The following NAALADL2 variants were observed in gnomAD, a reference collection of about 807,000 sequenced individuals.
NAALADL2 encodes the protein N-acetylated alpha-linked acidic dipeptidase like 2.
A neutral mutation model predicts 87.2 loss-of-function variants in NAALADL2; 76 were observed. That is an observed-to-expected ratio of 0.87 (90% CI 0.72 to 1.05). The LOEUF is 1.05. Among genes scored for constraint, NAALADL2 ranks in the 50% least tolerant of loss-of-function variants. The pLI, the probability that NAALADL2 is intolerant of heterozygous loss-of-function variation, is 0.00. For missense variants in NAALADL2, 1,089 were observed against 945.8 expected (o/e 1.15, Z -1.99); for synonymous variants, 354 against 331.0 (o/e 1.07, Z -0.75).
intron 1 of NAALADL2, among the ~76,000 whole-genome samples, chr3:175,049,421 T>C (rs1174337826): frequency 1.3e-5 from 2 of 152,086 alleles, no homozygotes; most frequent in Non-Finnish European, 2.9e-5. Context: ...GGAAGAGTTT[T>C]TGTAACAGAA....
intron 3 of NAALADL2, among the ~76,000 whole-genome samples, chr3:174,825,568 A>G (rs1721886291): frequency 6.6e-6 from 1 of 152,094 alleles, no homozygotes; most frequent in African/African-American, 2.4e-5. Context: ...ACACACATAT[A>G]CCTAGAAATA....
intron 3 of NAALADL2, among the ~76,000 whole-genome samples, chr3:175,248,992 A>G (rs1748518775): frequency 6.6e-6 from 1 of 151,962 alleles, no homozygotes; most frequent in Non-Finnish European, 1.5e-5. Context: ...GATATCACCA[A>G]TTTTGGTCTA....
intron 1 of NAALADL2, among the ~76,000 whole-genome samples, chr3:174,913,179 A>G (rs914285205): frequency 4.6e-5 from 7 of 152,140 alleles, no homozygotes; most frequent in African/African-American, 1.4e-4. Context: ...AACTTTCCCT[A>G]TAAATTATTT....
intron 1 of NAALADL2, among the ~76,000 whole-genome samples, chr3:174,989,097 C>T (rs1186665295): frequency 6.6e-6 from 1 of 152,064 alleles, no homozygotes; most frequent in Non-Finnish European, 1.5e-5. Flanking sequence ...TTTTAAGAAC[C>T]AGCTCTCATA....
chr3:175,566,328 A>G (rs995994387), intron 9 of NAALADL2, among the ~76,000 whole-genome samples: 2 of 152,182 alleles, frequency 1.3e-5, no homozygotes, highest in Non-Finnish European at 2.9e-5. Context: ...CCCATTCCTC[A>G]TACCATTGTC....
At chr3:174,989,858 A>G (rs1335272015) in intron 1 of NAALADL2, among the ~76,000 whole-genome samples, 1 of 152,128 alleles carries the variant, frequency 6.6e-6, no homozygotes, top group East Asian at 1.9e-4. Flanking sequence ...ACTAAGCAAA[A>G]TGGTAATCTG....
chr3:175,075,212 C>T (rs532269745), intron 1 of NAALADL2, among the ~76,000 whole-genome samples: 1 of 152,234 alleles, frequency 6.6e-6, no homozygotes, highest in Admixed American at 6.5e-5. Flanking sequence ...CAAACAGTCA[C>T]TGAACCTAAG....
chr3:175,233,941 C>T lies in NAALADL2; in HGVS notation c.556C>T (p.Gln186Ter). 6.4e-7 allele frequency: 1 copy of T among 1,569,602 alleles called. No individual in the cohort carries two copies. The stretch of plus-strand genomic sequence containing the variant: ...TCAAATTTATTTCAGAAATTTGGTA[C>T]AACTATATAAAAATGAAGATGACAT... ...DIKKSFRNLV[Q>*]LYKNEDDMEI... The change falls in exon 3 of 14, where the codon CAA becomes TAA. Residue 186 changes from glutamine to a stop codon, truncating the protein, a stop_gained. Coordinates refer to ENST00000454872, the MANE Select transcript of NAALADL2 (RefSeq NM_207015.3). LOFTEE classifies it high-confidence loss of function.
intron 2 of NAALADL2, among the ~76,000 whole-genome samples, chr3:175,173,664 T>A (rs531959580): frequency 6.6e-6 from 1 of 152,210 alleles, no homozygotes; most frequent in South Asian, 2.1e-4. Flanking sequence ...AAAAGAAAGT[T>A]AGTAATGCTG....
At chr3:175,512,624 G>C (rs1247570104) in intron 9 of NAALADL2, among the ~76,000 whole-genome samples, 1 of 152,196 alleles carries the variant, frequency 6.6e-6, no homozygotes, top group Non-Finnish European at 1.5e-5. Flanking sequence ...CAAGATGGAA[G>C]ATAAAGCAAG....
intron 11 of NAALADL2, among the ~76,000 whole-genome samples, chr3:175,631,879 G>A (rs1466076443): frequency 6.6e-6 from 1 of 151,856 alleles, no homozygotes; most frequent in African/African-American, 2.4e-5. Flanking sequence ...CTCCTAAATC[G>A]TTATTAGCTA....
intron 3 of NAALADL2, among the ~76,000 whole-genome samples, chr3:174,807,959 T>C (rs986858795): frequency 2.4e-4 from 36 of 152,022 alleles, no homozygotes; most frequent in Non-Finnish European, 2.2e-4. Flanking sequence ...AGTTACTATG[T>C]GGTATCCCTT....
intron 9 of NAALADL2, among the ~76,000 whole-genome samples, chr3:175,520,400 G>A (rs960772452): frequency 4.8e-5 from 7 of 145,764 alleles, no homozygotes; most frequent in Admixed American, 2.9e-4. Flanking sequence ...CCGGGTTCAC[G>A]CCATTCTCCT....
chr3:175,342,775 C>G (rs1287761926), intron 5 of NAALADL2, among the ~76,000 whole-genome samples: 1 of 151,996 alleles, frequency 6.6e-6, no homozygotes, highest in African/African-American at 2.4e-5. Flanking sequence ...TTCTGTTTTG[C>G]TGCCTAATCA....
rs1754886339 is a variant in NAALADL2 at position 175,808,378 on chromosome 3, C to T, written c.*5175C>T. The T allele has an allele frequency of 6.6e-6, 1 of 151,842 alleles. No individual in the cohort carries two copies. The highest frequency in any genetic ancestry group is 2.4e-5 in the African/African-American group (1 of 41,386). 9.4% of individuals were successfully genotyped at this position (151,842 alleles called of 1,614,324 possible). ...TATACAATTACATAATTTTCTGTAA[C>T]CAAAATGGTAATTTTGATGGATTTT... On this transcript the variant is annotated 3_prime_UTR_variant, in exon 14 of 14. Transcript: ENST00000454872.
chr3:174,551,261 ATAC>A (rs1712097170), intron 2 of NAALADL2: 1 of 152,084 alleles, frequency 6.6e-6, no homozygotes, highest in East Asian at 1.9e-4. Flanking sequence ...GCTTTATTTG[ATAC>A]TACCAAGTTT....
intron 1 of NAALADL2, among the ~76,000 whole-genome samples, chr3:174,512,438 A>G (rs1719661824): frequency 6.6e-6 from 1 of 152,112 alleles, no homozygotes; most frequent in African/African-American, 2.4e-5. Context: ...TTCATTATAA[A>G]TGGTGGAAAT....
intron 11 of NAALADL2, among the ~76,000 whole-genome samples, chr3:175,633,144 A>G (rs1022980171): frequency 6.6e-6 from 1 of 152,102 alleles, no homozygotes; most frequent in African/African-American, 2.4e-5. Flanking sequence ...AATGTTCAAA[A>G]GAGTATTCAC....
intron 1 of NAALADL2, among the ~76,000 whole-genome samples, chr3:174,915,964 A>G (rs937604995): frequency 6.6e-6 from 1 of 152,152 alleles, no homozygotes; most frequent in Non-Finnish European, 1.5e-5. Context: ...GGAAATATTC[A>G]CAAACTATGC....
Sources: gnomAD v4.1 joint callset for allele counts (sites outside exome capture counted in the v4.1 genomes callset) on GRCh38, gnomAD v4.1.1 for gene constraint, MANE v1.5 for transcripts, NCBI Gene and HGNC (gene_info 2026-07-23, HGNC 2026-07-21) for gene names.